MYH11: variants seen among roughly 807,000 people sequenced by gnomAD.
The protein encoded by MYH11 is myosin-11.
In MYH11, 80 loss-of-function variants were observed where a neutral mutation model predicts 246.6. That is an observed-to-expected ratio of 0.32 (90% CI 0.27 to 0.39). The LOEUF is 0.39. Among genes scored for constraint, MYH11 ranks in the 10% least tolerant of loss-of-function variants. The pLI, the probability that MYH11 is intolerant of heterozygous loss-of-function variation, is 1.00. For synonymous variants in MYH11, 1,071 were observed against 1,015.5 expected, an observed-to-expected ratio of 1.05 and a Z score of -1.04; for missense variants, 2,158 against 2,546.8, an observed-to-expected ratio of 0.85 and a Z score of 3.29.
intron 3 of MYH11, among the ~76,000 whole-genome samples, chr16:15,803,047 G>C (rs1273362736): frequency 1.3e-5 from 2 of 151,752 alleles, no homozygotes; most frequent in Non-Finnish European, 2.9e-5. Context: ...TAAGGCAGGA[G>C]AATCACTTGA....
At position 15,726,813 on chromosome 16, in the gene MYH11, G is replaced by A. The variant is rs1315712885; in HGVS notation, c.3858+35C>T. 4 of 1,608,684 alleles carry A rather than the reference G, an allele frequency of 2.5e-6. No individual in the cohort carries two copies. In the East Asian group the frequency reaches 8.9e-5, roughly 36 times the overall value. ...TCCCCACAGAACTGGGCACCACCCA[G>A]CACTGCCCACCACACCACCGCGCCA... On this transcript the variant is annotated intron_variant, in intron 28 of 40. Coordinates refer to ENST00000300036, the MANE Select transcript of MYH11 (RefSeq NM_002474.3).
At chr16:15,830,854 G>A (rs536235608) in intron 2 of MYH11, among the ~76,000 whole-genome samples, 1 of 152,110 alleles carries the variant, frequency 6.6e-6, no homozygotes, top group Admixed American at 6.6e-5. Context: ...TCCAGCCTGG[G>A]TGACAGAGTG....
chr16:15,832,465 T>C (rs963535305), intron 2 of MYH11, among the ~76,000 whole-genome samples: 4 of 152,212 alleles, frequency 2.6e-5, no homozygotes, highest in East Asian at 3.9e-4. Flanking sequence ...CAGGGAGTGG[T>C]GAGGTCTGCG....
intron 2 of MYH11, among the ~76,000 whole-genome samples, chr16:15,834,252 C>G (rs1019193345): frequency 2.0e-5 from 3 of 151,940 alleles, no homozygotes; most frequent in Non-Finnish European, 2.9e-5. Context: ...ACTGGCTGGG[C>G]GTGGTGGTTC....
rs77667676 is a variant in MYH11 at position 15,714,166 on chromosome 16, C to T, written c.5786+743G>A. The T allele has an allele frequency of 0.011, 1,667 of 152,806 alleles. 64 individuals carry two copies. In the East Asian group the frequency reaches 0.13, roughly 12 times the overall value. The allele number at this position is 152,806 out of a possible 1,614,324, so 9.5% of individuals were successfully genotyped here. Reference sequence around the variant, plus strand: ...GAGCTAAAACCTCCTGGGAGCCAATCGGGATGGATGGACAGGGTGGTGGAA... The same window carrying T: ...GAGCTAAAACCTCCTGGGAGCCAATTGGGATGGATGGACAGGGTGGTGGAA... On this transcript the variant is annotated intron_variant, in intron 40 of 40. Coordinates refer to ENST00000300036, the MANE Select transcript of MYH11 (RefSeq NM_002474.3).
At chr16:15,734,433 G>A (rs1193938400) in intron 26 of MYH11, among the ~76,000 whole-genome samples, 1 of 152,140 alleles carries the variant, frequency 6.6e-6, no homozygotes, top group African/African-American at 2.4e-5. Context: ...TGAGTAGCTG[G>A]GATTTACAGG....
intron 3 of MYH11, among the ~76,000 whole-genome samples, chr16:15,820,028 G>A (rs2043365346): frequency 6.6e-6 from 1 of 152,168 alleles, no homozygotes; most frequent in Non-Finnish European, 1.5e-5. Flanking sequence ...GGCAAAGTCA[G>A]TGGCCTTGGA....
chr16:15,809,382 A>G (rs770701156), intron 3 of MYH11, among the ~76,000 whole-genome samples: 1 of 151,930 alleles, frequency 6.6e-6, no homozygotes, highest in African/African-American at 2.4e-5. Context: ...AAATCAAAAA[A>G]TTAGCCAGGC....
At chr16:15,850,163 TAA>T in intron 1 of MYH11, among the ~76,000 whole-genome samples, 1 of 152,324 alleles carries the variant, frequency 6.6e-6, no homozygotes, top group Non-Finnish European at 1.5e-5. Flanking sequence ...GGCAGGCGGA[TAA>T]CCTGAGGTCA....
intron 2 of MYH11, among the ~76,000 whole-genome samples, chr16:15,830,876 C>CA (rs1246458435): frequency 1.3e-5 from 2 of 151,214 alleles, no homozygotes; most frequent in African/African-American, 2.4e-5. Flanking sequence ...GACTTTATCA[C>CA]AAAAAAAGCA....
intron 9 of MYH11, among the ~76,000 whole-genome samples, chr16:15,764,459 G>A (rs2041937304): frequency 6.6e-6 from 1 of 151,932 alleles, no homozygotes; most frequent in South Asian, 2.1e-4. Flanking sequence ...CCTGGGCAAT[G>A]TAGGGAGATC....
chr16:15,725,215 A>C (rs2040695811), intron 28 of MYH11: 1 of 610,150 alleles, frequency 1.6e-6, no homozygotes, highest in Non-Finnish European at 2.9e-6. Context: ...ATGAGTTGGG[A>C]CCCTGGCCCT....
intron 1 of MYH11, among the ~76,000 whole-genome samples, chr16:15,843,527 A>T (rs945059277): frequency 2.3e-5 from 3 of 132,240 alleles, no homozygotes; most frequent in Non-Finnish European, 4.8e-5. Flanking sequence ...TGTCTCTACT[A>T]AAAAAAAAAA....
chr16:15,788,035 T>C (rs1019864913), intron 4 of MYH11, among the ~76,000 whole-genome samples: 6 of 147,920 alleles, frequency 4.1e-5, no homozygotes, highest in Non-Finnish European at 8.9e-5. Context: ...ACATGGTTTG[T>C]CGTATCAAAA....
chr16:15,817,095 C>T (rs533852610), intron 3 of MYH11, among the ~76,000 whole-genome samples: 4 of 152,274 alleles, frequency 2.6e-5, no homozygotes, highest in African/African-American at 9.6e-5. Flanking sequence ...AAACCTCATA[C>T]ACTAGAAACC....
At chr16:15,756,658 C>A in intron 13 of MYH11, 144 bp from the exon 14 acceptor site, 1 of 835,774 alleles carries the variant, frequency 1.2e-6, no homozygotes. Context: ...AGTTTATGAC[C>A]CCCATGCTTC....
chr16:15,813,847 A>G (rs2043194672), intron 3 of MYH11, among the ~76,000 whole-genome samples: 1 of 140,710 alleles, frequency 7.1e-6, no homozygotes, highest in Non-Finnish European at 1.6e-5. Flanking sequence ...GAGGGGGGAA[A>G]AGGCAAAAAA....
chr16:15,729,367 C>T (rs928056805), intron 27 of MYH11, among the ~76,000 whole-genome samples: 5 of 152,128 alleles, frequency 3.3e-5, no homozygotes, highest in Non-Finnish European at 7.4e-5. Context: ...GAGGTTTGCA[C>T]CTCTACCTGC....
chr16:15,822,122 A>C (rs1282842965), intron 3 of MYH11, among the ~76,000 whole-genome samples: 1 of 152,178 alleles, frequency 6.6e-6, no homozygotes, highest in Non-Finnish European at 1.5e-5. Flanking sequence ...CTTATACCTG[A>C]GTCCCTCTAT....
Sources: allele counts gnomAD v4.1 joint callset (sites outside exome capture counted in the v4.1 genomes callset), GRCh38; gene constraint gnomAD v4.1.1; transcripts MANE v1.5; gene names NCBI Gene and HGNC (gene_info 2026-07-23, HGNC 2026-07-21).